The following GREM1 variants were observed in gnomAD, a reference collection of about 807,000 sequenced individuals.
GREM1 encodes the protein gremlin 1, DAN family BMP antagonist, also known as gremlin-1.
A neutral mutation model predicts 13.1 loss-of-function variants in GREM1; 6 were observed. That is an observed-to-expected ratio of 0.46 (90% CI 0.25 to 0.91). GREM1 has a LOEUF of 0.91. GREM1 is among the 40% of genes least tolerant of loss of function. The pLI is 0.18. For synonymous variants in GREM1, 98 were observed against 93.7 expected, an observed-to-expected ratio of 1.05 and a Z score of -0.27; for missense variants, 185 against 233.9, an observed-to-expected ratio of 0.79 and a Z score of 1.36.
rs373252623 is a variant in GREM1 at position 32,733,693 on chromosome 15, C to G, written c.*2448C>G. ...TGCCATATCTATACCATATTTTATT[C>G]GAGTCACTGATGATGTAATGATATA... On this transcript the variant is annotated 3_prime_UTR_variant, in exon 2 of 2. Transcript: ENST00000651154. The G allele has an allele frequency of 4.4e-6, 1 of 226,616 alleles. No individual in the cohort carries two copies. Among genetic ancestry groups the G allele is most frequent in the Admixed American group, 5.9e-5 (1 of 17,044 alleles). The allele number at this position is 226,616 out of a possible 1,614,324, so 14.0% of individuals were successfully genotyped here.
Position 32,743,883 on chromosome 15 carries a change from A to G in GREM1, c.*12638A>G, listed in dbSNP as rs1265312251. 1 of 152,088 alleles carries G rather than the reference A, an allele frequency of 6.6e-6. No homozygotes were observed. The highest frequency in any genetic ancestry group is 2.4e-5 in the African/African-American group (1 of 41,406). 9.4% of individuals were successfully genotyped at this position (152,088 alleles called of 1,614,324 possible). The stretch of plus-strand genomic sequence containing the variant: ...TAGCAGTTCTGCAAGGATTTTTAGG[A>G]ACCGTATTAGCAAGTTCCTCAGTTC... On this transcript the variant is annotated 3_prime_UTR_variant, in exon 2 of 2. Coordinates refer to ENST00000651154, the MANE Select transcript of GREM1 (RefSeq NM_013372.7).
At chr15:32,719,682 A>G (rs1440694007) in intron 1 of GREM1, among the ~76,000 whole-genome samples, 1 of 152,152 alleles carries the variant, frequency 6.6e-6, no homozygotes, top group Non-Finnish European at 1.5e-5. Flanking sequence ...TGATTAAAAC[A>G]ATCTATTGTG....
Position 32,738,083 on chromosome 15 carries a change from CAAAAAAAAAA to C in GREM1, c.*6879_*6888del, listed in dbSNP as rs67118209. On this transcript the variant is annotated 3_prime_UTR_variant, in exon 2 of 2. Transcript: ENST00000651154. ...GGAGGTTCTACCTAGGGTAATTAGG[CAAAAAAAAAA>C]AAAAAAAAAAAAAAAAAAAAAAAAA... 1 of 18,930 alleles carries C rather than the reference CAAAAAAAAAA, an allele frequency of 5.3e-5. No individual in the cohort carries two copies. The highest frequency in any genetic ancestry group is 2.3e-4 in the African/African-American group (1 of 4,378). 1.2% of individuals were successfully genotyped at this position (18,930 alleles called of 1,614,324 possible).
rs752929618 is a variant in GREM1 at position 32,744,043 on chromosome 15, A to C, written c.*12798A>C. 1 of 152,186 alleles carries C rather than the reference A, an allele frequency of 6.6e-6. No homozygotes were observed. The highest frequency in any genetic ancestry group is 1.5e-5 in the Non-Finnish European group (1 of 68,026). The allele number at this position is 152,186 out of a possible 1,614,324, so 9.4% of individuals were successfully genotyped here. On this transcript the variant is annotated 3_prime_UTR_variant, in exon 2 of 2. Transcript: ENST00000651154. Reference sequence around the variant, plus strand: ...TTACTCTCCAAAGTTACAAACCTTTACTTTTGCTTTATCTTATTTGTTAGA... The same window carrying C: ...TTACTCTCCAAAGTTACAAACCTTTCCTTTTGCTTTATCTTATTTGTTAGA...
intron 1 of GREM1, among the ~76,000 whole-genome samples, chr15:32,728,472 A>C (rs1031603317): frequency 6.6e-6 from 1 of 152,230 alleles, no homozygotes; most frequent in Non-Finnish European, 1.5e-5. Context: ...TTAATGTTGG[A>C]AAGATGGTGC....
intron 1 of GREM1, among the ~76,000 whole-genome samples, chr15:32,721,099 T>A (rs1312104725): frequency 6.6e-6 from 1 of 152,090 alleles, no homozygotes; most frequent in Non-Finnish European, 1.5e-5. Flanking sequence ...GAGGTTGTGG[T>A]GAGCCCAGAT....
chr15:32,728,714 G>C (rs2055557311), intron 1 of GREM1, among the ~76,000 whole-genome samples: 1 of 152,176 alleles, frequency 6.6e-6, no homozygotes, highest in Admixed American at 6.5e-5. Flanking sequence ...ATTCCAAAGA[G>C]AGAAGGAAAA....
At chr15:32,730,481 G>A (rs1033002217) in intron 1 of GREM1, among the ~76,000 whole-genome samples, 2 of 152,224 alleles carry the variant, frequency 1.3e-5, no homozygotes, top group African/African-American at 4.8e-5. Flanking sequence ...CTTAGTCACT[G>A]TGGGACTCTG....
intron 1 of GREM1, among the ~76,000 whole-genome samples, chr15:32,728,272 A>G (rs1382192107): frequency 6.6e-6 from 1 of 152,234 alleles, no homozygotes; most frequent in Non-Finnish European, 1.5e-5. Context: ...ACAGCATGGT[A>G]TAGTATAAGT....
At chr15:32,727,590 A>T (rs1371959193) in intron 1 of GREM1, among the ~76,000 whole-genome samples, 1 of 152,020 alleles carries the variant, frequency 6.6e-6, no homozygotes, top group Non-Finnish European at 1.5e-5. Flanking sequence ...CGCCACAAGG[A>T]TGACTTCTCT....
At position 32,734,336 on chromosome 15, in the gene GREM1, G is replaced by C. The variant is rs2055669447; in HGVS notation, c.*3091G>C. ...TTCACACATAAAGTCCTTTTAAGGA[G>C]AAAATCTAAAATGAAAAGTGGATAA... On this transcript the variant is annotated 3_prime_UTR_variant, in exon 2 of 2. Transcript: ENST00000651154. 4.1e-6 allele frequency: 1 copy of C among 246,194 alleles called. No homozygotes were observed. The highest frequency in any genetic ancestry group is 8.5e-6 in the Non-Finnish European group (1 of 117,038). The allele number at this position is 246,194 out of a possible 1,614,324, so 15.3% of individuals were successfully genotyped here. A position where few individuals can be genotyped will look rare whatever the true frequency, so the allele number is the denominator to read the frequency against.
rs371256550 is a variant in GREM1, at chr15:32,744,572, CAAAAAAAAA to C, written c.*13337_*13345del. The C allele has an allele frequency of 1.2e-5, 1 of 86,192 alleles. No homozygotes were observed. Among genetic ancestry groups the C allele is most frequent in the Non-Finnish European group, 2.3e-5 (1 of 43,692 alleles). 5.3% of individuals were successfully genotyped at this position (86,192 alleles called of 1,614,324 possible). On this transcript the variant is annotated 3_prime_UTR_variant, in exon 2 of 2. Coordinates refer to ENST00000651154, the MANE Select transcript of GREM1 (RefSeq NM_013372.7). ...TGGGCGACAGAGTGAGACTCAGCTT[CAAAAAAAAA>C]AAAAAAAAAGAAAGTTTCAGATATT...
rs898995478 is a variant in GREM1, at chr15:32,718,087, C to G, written c.-76C>G. On this transcript the variant is annotated 5_prime_UTR_variant, in exon 1 of 2. Coordinates refer to ENST00000651154, the MANE Select transcript of GREM1 (RefSeq NM_013372.7). The stretch of plus-strand genomic sequence containing the variant: ...GTCCCGCTGACCCCGCGCCGAGCCC[C>G]GGCGGCTCTGGCCGCGGCCGCACTC... 270 of 1,223,544 alleles carry G rather than the reference C, an allele frequency of 2.2e-4. No homozygotes were observed. Among genetic ancestry groups the G allele is most frequent in the Non-Finnish European group, 2.4e-4 (228 of 969,074 alleles). 75.8% of individuals were successfully genotyped at this position (1,223,544 alleles called of 1,614,324 possible).
At chr15:32,726,460 A>G (rs367665075) in intron 1 of GREM1, among the ~76,000 whole-genome samples, 5 of 152,244 alleles carry the variant, frequency 3.3e-5, no homozygotes, top group African/African-American at 2.4e-5. Flanking sequence ...GAACAAAGAC[A>G]CAATATACCA....
chr15:32,728,422 A>G (rs2055552214), intron 1 of GREM1, among the ~76,000 whole-genome samples: 1 of 152,240 alleles, frequency 6.6e-6, no homozygotes, highest in South Asian at 2.1e-4. Context: ...TGAATGTCAC[A>G]TTATCAGCTC....
chr15:32,718,634 G>C, intron 1 of GREM1: 1 of 365,964 alleles, frequency 2.7e-6, no homozygotes, highest in Non-Finnish European at 5.4e-6. Flanking sequence ...GCGTCTTGGG[G>C]CGCCCATTGG....
chr15:32,743,886 C>T lies in GREM1; in HGVS notation c.*12641C>T, dbSNP rs1420983943. ...CAGTTCTGCAAGGATTTTTAGGAACCGTATTAGCAAGTTCCTCAGTTCCTC... is the reference window on the plus strand; with the variant it reads ...CAGTTCTGCAAGGATTTTTAGGAACTGTATTAGCAAGTTCCTCAGTTCCTC... On this transcript the variant is annotated 3_prime_UTR_variant, in exon 2 of 2. Coordinates refer to ENST00000651154, the MANE Select transcript of GREM1 (RefSeq NM_013372.7). The T allele has an allele frequency of 6.6e-6, 1 of 152,002 alleles. No homozygotes were observed. The highest frequency in any genetic ancestry group is 2.4e-5 in the African/African-American group (1 of 41,378). 9.4% of individuals were successfully genotyped at this position (152,002 alleles called of 1,614,324 possible).
At chr15:32,719,007 T>C (rs1440758868) in intron 1 of GREM1, 3 of 158,138 alleles carry the variant, frequency 1.9e-5, no homozygotes, top group East Asian at 1.9e-4. Flanking sequence ...AACTGTGTTC[T>C]AGAGGCCCCA....
intron 1 of GREM1, among the ~76,000 whole-genome samples, chr15:32,725,384 C>G (rs916715769): frequency 4.6e-4 from 70 of 152,160 alleles, no homozygotes; most frequent in African/African-American, 1.6e-3. Flanking sequence ...CTCTAATGAC[C>G]ACCGATGATG....
Sources: gnomAD v4.1 joint callset for allele counts (sites outside exome capture counted in the v4.1 genomes callset) on GRCh38, gnomAD v4.1.1 for gene constraint, MANE v1.5 for transcripts, NCBI Gene and HGNC (gene_info 2026-07-23, HGNC 2026-07-21) for gene names.